Variants in LAMB1 observed in about 807,000 individuals in gnomAD.
LAMB1 encodes the protein laminin subunit beta 1.
LAMB1 carries 121 observed loss-of-function variants against 222.3 expected under a neutral mutation model. That is an observed-to-expected ratio of 0.54 (90% CI 0.47 to 0.63). The LOEUF (loss-of-function observed/expected upper bound fraction) is 0.63. LAMB1 is among the 30% of genes least tolerant of loss of function. The probability of loss-of-function intolerance (pLI) is 0.00; values close to 1 mark genes in which losing one functional copy is unlikely to be tolerated. For synonymous variants in LAMB1, 794 were observed against 807.2 expected (o/e 0.98, Z 0.28); for missense variants, 2,172 against 2,240.8 (o/e 0.97, Z 0.62).
chr7:107,958,657 T>C (rs1407574225), intron 20 of LAMB1, among the ~76,000 whole-genome samples: 1 of 152,252 alleles, frequency 6.6e-6, no homozygotes, highest in Non-Finnish European at 1.5e-5. Context: ...AACTTTTTCA[T>C]ACGGAGTATT....
rs1310057619 is a variant in LAMB1, at chr7:107,932,724, T to TA, written c.4189-348dup. On this transcript the variant is annotated intron_variant, in intron 27 of 33. Coordinates refer to ENST00000222399, the MANE Select transcript of LAMB1 (RefSeq NM_002291.3). ...ATGCCTTCCTTTTTTTCTAACCAGTTAGAGTTTAAAAAAAAAACCTATTGT... is the reference window on the plus strand; with the variant it reads ...ATGCCTTCCTTTTTTTCTAACCAGTTAAGAGTTTAAAAAAAAAACCTATTGT... The TA allele has an allele frequency of 3.2e-5, 9 of 281,380 alleles. No individual in the cohort carries two copies. The South Asian group carries it at 4.6e-4, about 14-fold the overall frequency. 17.4% of individuals were successfully genotyped at this position (281,380 alleles called of 1,614,324 possible). A position where few individuals can be genotyped will look rare whatever the true frequency, so the allele number is the denominator to read the frequency against.
chr7:107,964,102 AAAAG>A (rs1251363008), intron 14 of LAMB1, among the ~76,000 whole-genome samples: 1 of 152,230 alleles, frequency 6.6e-6, no homozygotes, highest in Non-Finnish European at 1.5e-5. Context: ...AGTCTCGAAA[AAAAG>A]AAAAAAGAAA....
In LAMB1 at chr7:107,959,777, T is replaced by C. The variant is rs141264140; in HGVS notation, c.2372A>G (p.Gln791Arg). 1.9e-6 allele frequency: 3 copies of C among 1,614,014 alleles called. No homozygotes were observed. The highest frequency in any genetic ancestry group is 2.7e-5 in the African/African-American group (2 of 74,956). Reference sequence around the variant, plus strand: ...AACCACGTTGGGCCGGCACTGGCACTGGCCTCCGTTGGGATCACACACGGA... The same window carrying C: ...AACCACGTTGGGCCGGCACTGGCACCGGCCTCCGTTGGGATCACACACGGA... Reference protein sequence around the residue: ...LSSVCDPNGGQCQCRPNVVGR... With the variant: ...LSSVCDPNGGRCQCRPNVVGR... The change falls in exon 19 of 34, where the codon CAG becomes CGG. Residue 791 changes from glutamine to arginine, a missense_variant. Gln to Arg is a conservative substitution (Grantham distance 43, BLOSUM62 1). Coordinates refer to ENST00000222399, the MANE Select transcript of LAMB1 (RefSeq NM_002291.3).
chr7:107,955,885 A>G (rs922697475), intron 20 of LAMB1, among the ~76,000 whole-genome samples: 1 of 146,122 alleles, frequency 6.8e-6, no homozygotes, highest in Admixed American at 6.9e-5. Flanking sequence ...GGCACACACC[A>G]CCACACCTGG....
intron 13 of LAMB1, among the ~76,000 whole-genome samples, chr7:107,967,180 T>C (rs1372614023): frequency 6.6e-6 from 1 of 152,264 alleles, no homozygotes; most frequent in African/African-American, 2.4e-5. Flanking sequence ...TTTCTGCCAG[T>C]AGATTTAAAA....
At position 108,001,543 on chromosome 7, in the gene LAMB1, G is replaced by A. The variant is rs1268005187; in HGVS notation, c.213+15C>T. 1.3e-6 allele frequency: 2 copies of A among 1,579,818 alleles called. No individual in the cohort carries two copies. ...AGGCGCTAGCAGAGCCTCGAACCCC[G>A]CTCTCAGCCCTCACCTGCAAGTGGC... is the stretch of plus-strand genomic sequence containing the variant. On this transcript the variant is annotated intron_variant, in intron 3 of 33. Coordinates refer to ENST00000222399, the MANE Select transcript of LAMB1 (RefSeq NM_002291.3).
At chr7:107,945,809 C>T (rs2237690) in intron 24 of LAMB1, among the ~76,000 whole-genome samples, 50,196 of 152,120 alleles carry the variant, frequency 0.33, 9,964 homozygotes, top group Non-Finnish European at 0.44. Flanking sequence ...GCACTCAGCA[C>T]GTTCTCTGTA....
intron 15 of LAMB1, among the ~76,000 whole-genome samples, chr7:107,962,700 C>T (rs180807788): frequency 5.0e-5 from 6 of 119,648 alleles, no homozygotes; most frequent in South Asian, 5.2e-4. Flanking sequence ...GACAACAGAG[C>T]GAGACTCAAA....
intron 21 of LAMB1, among the ~76,000 whole-genome samples, chr7:107,953,997 T>C (rs2033319307): frequency 6.6e-6 from 1 of 152,184 alleles, no homozygotes; most frequent in South Asian, 2.1e-4. Flanking sequence ...TAATGTTTTG[T>C]AGTCTCTAAC....
intron 29 of LAMB1, among the ~76,000 whole-genome samples, chr7:107,931,138 C>G (rs902324456): frequency 3.9e-5 from 6 of 152,100 alleles, no homozygotes; most frequent in African/African-American, 1.4e-4. Flanking sequence ...GATTGGCTAC[C>G]TGAGTATCCC....
intron 3 of LAMB1, among the ~76,000 whole-genome samples, chr7:107,999,222 C>A (rs79595854): frequency 0.012 from 1,841 of 152,342 alleles, 32 homozygotes; most frequent in East Asian, 0.039. Context: ...TACTTTCTTT[C>A]TCCTAAAATG....
intron 21 of LAMB1, 76 bp from the exon 22 acceptor site, chr7:107,953,830 C>G: frequency 2.4e-6 from 3 of 1,251,626 alleles, no homozygotes; most frequent in Non-Finnish European, 2.3e-6. Flanking sequence ...ACACTCATGC[C>G]TAGAGAGAGC....
intron 27 of LAMB1, 56 bp downstream of exon 27, chr7:107,935,359 T>TTG: frequency 2.1e-6 from 1 of 472,656 alleles, no homozygotes; most frequent in Non-Finnish European, 2.9e-6. Context: ...TTTTTTTTTT[T>TTG]TTTTTTTTTT....
intron 4 of LAMB1, among the ~76,000 whole-genome samples, chr7:107,996,154 G>A (rs968296561): frequency 6.6e-6 from 1 of 152,086 alleles, no homozygotes; most frequent in Non-Finnish European, 1.5e-5. Context: ...TACAATATTT[G>A]TTCAAAATTA....
intron 5 of LAMB1, among the ~76,000 whole-genome samples, chr7:107,993,003 T>A (rs1263216265): frequency 1.3e-5 from 2 of 152,208 alleles, no homozygotes; most frequent in African/African-American, 4.8e-5. Flanking sequence ...GTCACAGCTC[T>A]GGCCACACAT....
At position 107,980,724 on chromosome 7, in the gene LAMB1, C is replaced by G; in HGVS notation, c.764G>C (p.Arg255Thr). The part of the protein sequence containing the change: ...DNLLDSRMEI[R>T]EKYYYAVYDM... ...ATAAACTGCATAATAATACTTTTCT[C>G]TGATTTCCATCCTGGAATCCAGAAG... Residue 255 changes from arginine to threonine, a missense_variant, in exon 8 of 34, where the codon AGA becomes ACA. Transcript: ENST00000222399. The G allele has an allele frequency of 6.2e-7, 1 of 1,613,722 alleles. No individual in the cohort carries two copies. Among genetic ancestry groups the G allele is most frequent in the Non-Finnish European group, 8.5e-7 (1 of 1,179,610 alleles).
At chr7:107,930,418 TACTGTTG>T (rs1156839422) in intron 29 of LAMB1, among the ~76,000 whole-genome samples, 1 of 152,220 alleles carries the variant, frequency 6.6e-6, no homozygotes, top group Non-Finnish European at 1.5e-5. Context: ...CCTTAGCAAA[TACTGTTG>T]ACTCCTTATT....
intron 24 of LAMB1, among the ~76,000 whole-genome samples, chr7:107,945,738 T>A (rs1211879461): frequency 2.0e-5 from 3 of 152,214 alleles, no homozygotes; most frequent in Non-Finnish European, 2.9e-5. Context: ...CTTACCCCCA[T>A]AGGTTCTTTG....
chr7:107,969,200 A>G lies in LAMB1; in HGVS notation c.1562+3792T>C, dbSNP rs2033694473. 4.0e-5 allele frequency among the ~76,000 whole-genome samples: 6 copies of G among 151,660 alleles called. No homozygotes were observed. In the South Asian group the frequency reaches 1.2e-3, roughly 31 times the overall value. On this transcript the variant is annotated intron_variant, in intron 13 of 33. Transcript: ENST00000222399. Reference sequence around the variant, plus strand: ...CTACTTGGGAGGCTGAGGCGGGAGAATGGCATGAACCTGGGATGCGGAGCT... The same window carrying G: ...CTACTTGGGAGGCTGAGGCGGGAGAGTGGCATGAACCTGGGATGCGGAGCT...
Sources: allele counts gnomAD v4.1 joint callset (sites outside exome capture counted in the v4.1 genomes callset), GRCh38; gene constraint gnomAD v4.1.1; transcripts MANE v1.5; gene names NCBI Gene and HGNC (gene_info 2026-07-23, HGNC 2026-07-21).